Variants in LCE2D observed in about 807,000 individuals in gnomAD.
LCE2D encodes late cornified envelope protein 2D.
For synonymous variants in LCE2D, 55 were observed against 51.3 expected, an observed-to-expected ratio of 1.07 and a Z score of -0.31; for missense variants, 161 against 142.9, an observed-to-expected ratio of 1.13 and a Z score of -0.65.
intron 1 of LCE2D, 74 bp from the exon 2 acceptor site, chr1:152,664,011 G>C: frequency 6.7e-7 from 1 of 1,486,688 alleles, no homozygotes. Context: ...TTCTACACAT[G>C]CATTGATTTT....
chr1:152,664,150 A>G lies in LCE2D; in HGVS notation c.45A>G (p.Lys15=), dbSNP rs141067709. ...QNQQQCQPPP[K]CPPKCTPKCP... ...AGCAGCAGTGCCAGCCCCCTCCCAA[A>G]TGTCCTCCCAAGTGTACCCCAAAAT... The change falls in exon 2 of 2, where the codon AAA becomes AAG. Residue 15 remains lysine, a synonymous_variant. Transcript: ENST00000368784. 49 of 1,614,110 alleles carry G rather than the reference A, an allele frequency of 3.0e-5. No homozygotes were observed. The highest frequency in any genetic ancestry group is 1.6e-4 in the Middle Eastern group (1 of 6,062).
chr1:152,664,158 C>A lies in LCE2D; in HGVS notation c.53C>A (p.Pro18His), dbSNP rs754335373. 1.2e-6 allele frequency: 2 copies of A among 1,614,192 alleles called. No individual in the cohort carries two copies. Among genetic ancestry groups the A allele is most frequent in the Non-Finnish European group, 1.7e-6 (2 of 1,180,032 alleles). ...QQCQPPPKCP[P>H]KCTPKCPPKC... The stretch of plus-strand genomic sequence containing the variant: ...TGCCAGCCCCCTCCCAAATGTCCTC[C>A]CAAGTGTACCCCAAAATGTCCACCT... Residue 18 changes from proline to histidine, a missense_variant, in exon 2 of 2, where the codon CCC (proline) becomes CAC (histidine). Transcript: ENST00000368784.
chr1:152,664,305 G>A lies in LCE2D; in HGVS notation c.200G>A (p.Gly67Glu), dbSNP rs1225809254. 1 of 1,614,148 alleles carries A rather than the reference G, an allele frequency of 6.2e-7. No individual in the cohort carries two copies. ...GPSSGGCCSSGGGGCCLSHHR... is the reference protein window; with the variant it reads ...GPSSGGCCSSEGGGCCLSHHR... The stretch of plus-strand genomic sequence containing the variant: ...AGCTCTGGGGGCTGCTGCAGCTCTG[G>A]GGGTGGTGGCTGCTGCCTGAGCCAC... The change falls in exon 2 of 2, where the codon GGG becomes GAG. Residue 67 changes from glycine to glutamate, a missense_variant. Physicochemically the swap from Gly to Glu is moderately conservative, Grantham distance 98 (BLOSUM62 -2). Coordinates refer to ENST00000368784, the MANE Select transcript of LCE2D (RefSeq NM_178430.4).
At chr1:152,663,972 G>T (rs769696075) in intron 1 of LCE2D, 113 bp from the exon 2 acceptor site, 9 of 1,202,910 alleles carry the variant, frequency 7.5e-6, no homozygotes, top group Non-Finnish European at 7.0e-6. Flanking sequence ...GGTTACTGAT[G>T]TGACTGTATT....
Position 152,664,116 on chromosome 1 carries a change from A to G in LCE2D, c.11A>G (p.Gln4Arg). 6.2e-7 allele frequency: 1 copy of G among 1,614,130 alleles called. No homozygotes were observed. Among genetic ancestry groups the G allele is most frequent in the South Asian group, 1.1e-5 (1 of 91,072 alleles). The change falls in exon 2 of 2, where the codon CAG (glutamine) becomes CGG (arginine). Residue 4 changes from glutamine (Q) to arginine (R), a missense_variant. Gln to Arg is a conservative substitution (Grantham distance 43, BLOSUM62 1). Transcript: ENST00000368784. MSC[Q>R]QNQQQCQPPP... is the part of the protein sequence containing the mutation. ...TAAACTCCTGCCAGGATGTCTTGCC[A>G]GCAAAACCAGCAGCAGTGCCAGCCC...
At position 152,664,445 on chromosome 1, in the gene LCE2D, C is replaced by G; in HGVS notation, c.*7C>G. On this transcript the variant is annotated 3_prime_UTR_variant, in exon 2 of 2. Transcript: ENST00000368784. ...CTCTGGGGGCTGCTGCTGACCTGGGCTGCAGAAGAGCTCTGGTACTGAATG... is the reference window on the plus strand; with the variant it reads ...CTCTGGGGGCTGCTGCTGACCTGGGGTGCAGAAGAGCTCTGGTACTGAATG... The G allele has an allele frequency of 6.2e-7, 1 of 1,607,830 alleles. No homozygotes were observed. The highest frequency in any genetic ancestry group is 1.3e-5 in the African/African-American group (1 of 74,778).
At position 152,664,552 on chromosome 1, in the gene LCE2D, C is replaced by T; in HGVS notation, c.*114C>T. ...CATGGGTGGACAGGGACCACAAAGA[C>T]TCATGGGGCTTCCCCAGAACTTTGT... On this transcript the variant is annotated 3_prime_UTR_variant, in exon 2 of 2. Transcript: ENST00000368784. The T allele has an allele frequency of 6.9e-7, 1 of 1,450,868 alleles. No individual in the cohort carries two copies. Among genetic ancestry groups the T allele is most frequent in the Non-Finnish European group, 9.2e-7 (1 of 1,085,222 alleles). 89.9% of individuals were successfully genotyped at this position (1,450,868 alleles called of 1,614,324 possible).
At position 152,664,390 on chromosome 1, in the gene LCE2D, A is replaced by G. The variant is rs1648503463; in HGVS notation, c.285A>G (p.Glu95=). Reference sequence around the variant, plus strand: ...AGAGCCCCGATTGCTGTGAGAGTGAACCTTCTGGGGCCTCTGGCTGCTGCC... The same window carrying G: ...AGAGCCCCGATTGCTGTGAGAGTGAGCCTTCTGGGGCCTCTGGCTGCTGCC... ...RHQSPDCCES[E]PSGASGCCHS... The change falls in exon 2 of 2, where the codon GAA becomes GAG. Residue 95 remains glutamate, a synonymous_variant. Coordinates refer to ENST00000368784, the MANE Select transcript of LCE2D (RefSeq NM_178430.4). 1.2e-6 allele frequency: 2 copies of G among 1,607,356 alleles called. No homozygotes were observed. The highest frequency in any genetic ancestry group is 1.7e-5 in the Admixed American group (1 of 59,748).
At position 152,664,138 on chromosome 1, in the gene LCE2D, G is replaced by C. The variant is rs1237586745; in HGVS notation, c.33G>C (p.Gln11His). The C allele has an allele frequency of 6.2e-7, 1 of 1,614,032 alleles. No homozygotes were observed. The highest frequency in any genetic ancestry group is 1.3e-5 in the African/African-American group (1 of 74,932). Residue 11 changes from glutamine (Q) to histidine (H), a missense_variant, in exon 2 of 2, where the codon CAG becomes CAC. Physicochemically the swap from Gln to His is conservative, Grantham distance 24. Coordinates refer to ENST00000368784, the MANE Select transcript of LCE2D (RefSeq NM_178430.4). ...GCCAGCAAAACCAGCAGCAGTGCCA[G>C]CCCCCTCCCAAATGTCCTCCCAAGT... MSCQQNQQQC[Q>H]PPPKCPPKCT...
At position 152,664,309 on chromosome 1, in the gene LCE2D, T is replaced by C; in HGVS notation, c.204T>C (p.Gly68=). The change falls in exon 2 of 2, where the codon GGT becomes GGC. Residue 68 remains glycine (G), a synonymous_variant. Transcript: ENST00000368784. ...PSSGGCCSSG[G]GGCCLSHHRP... ...CTGGGGGCTGCTGCAGCTCTGGGGGTGGTGGCTGCTGCCTGAGCCACCACA... is the reference window on the plus strand; with the variant it reads ...CTGGGGGCTGCTGCAGCTCTGGGGGCGGTGGCTGCTGCCTGAGCCACCACA... 8.1e-6 allele frequency: 13 copies of C among 1,613,458 alleles called. No individual in the cohort carries two copies. The highest frequency in any genetic ancestry group is 1.1e-5 in the Non-Finnish European group (13 of 1,179,900).
chr1:152,663,777 C>G (rs1648467893), intron 1 of LCE2D, among the ~76,000 whole-genome samples: 1 of 152,114 alleles, frequency 6.6e-6, no homozygotes, highest in African/African-American at 2.4e-5. Flanking sequence ...TCTACAGCAC[C>G]CATCTGGGCG....
Position 152,664,210 on chromosome 1 carries a change from G to T in LCE2D, c.105G>T (p.Gln35His). The T allele has an allele frequency of 6.2e-7, 1 of 1,614,160 alleles. No homozygotes were observed. Among genetic ancestry groups the T allele is most frequent in the Non-Finnish European group, 8.5e-7 (1 of 1,180,034 alleles). Residue 35 changes from glutamine to histidine, a missense_variant, in exon 2 of 2, where the codon CAG becomes CAT. Coordinates refer to ENST00000368784, the MANE Select transcript of LCE2D (RefSeq NM_178430.4). ...PPKCPPKCPP[Q>H]CPAPCSPAVS... is the part of the protein sequence containing the mutation. Reference sequence around the variant, plus strand: ...AGTGTCCCCCCAAATGCCCACCACAGTGCCCAGCTCCATGTTCCCCTGCAG... The same window carrying T: ...AGTGTCCCCCCAAATGCCCACCACATTGCCCAGCTCCATGTTCCCCTGCAG...
Position 152,664,373 on chromosome 1 carries a change from G to A in LCE2D, c.268G>A (p.Asp90Asn), listed in dbSNP as rs753899892. The change falls in exon 2 of 2, where the codon GAT becomes AAT. Residue 90 changes from aspartate (D) to asparagine (N), a missense_variant. Coordinates refer to ENST00000368784, the MANE Select transcript of LCE2D (RefSeq NM_178430.4). ...CCACCGGCGCCGGCACCAGAGCCCC[G>A]ATTGCTGTGAGAGTGAACCTTCTGG... Reference protein sequence around the residue: ...LFHRRRHQSPDCCESEPSGAS... With the variant: ...LFHRRRHQSPNCCESEPSGAS... 1.4e-5 allele frequency: 23 copies of A among 1,608,278 alleles called. No individual in the cohort carries two copies. Among genetic ancestry groups the A allele is most frequent in the South Asian group, 5.5e-5 (5 of 90,732 alleles).
In LCE2D at chr1:152,664,084, G is replaced by A; in HGVS notation, c.-21-1G>A. On this transcript the variant is annotated splice_acceptor_variant, in intron 1 of 1. Coordinates refer to ENST00000368784, the MANE Select transcript of LCE2D (RefSeq NM_178430.4). LOFTEE classifies it low-confidence loss of function (5UTR_SPLICE). ...TAAAGAGTTTCATTATTATCTTTTA[G>A]GTTGACTAAACTCCTGCCAGGATGT... 5.0e-6 allele frequency: 8 copies of A among 1,612,732 alleles called. No individual in the cohort carries two copies. The highest frequency in any genetic ancestry group is 6.8e-6 in the Non-Finnish European group (8 of 1,179,354).
At chr1:152,663,657 G>A (rs374937001) in intron 1 of LCE2D, among the ~76,000 whole-genome samples, 3 of 152,198 alleles carry the variant, frequency 2.0e-5, no homozygotes, top group Non-Finnish European at 4.4e-5. Flanking sequence ...ATGACTTCAT[G>A]TTGGCCATCT....
chr1:152,664,147 C>T lies in LCE2D; in HGVS notation c.42C>T (p.Pro14=). The T allele has an allele frequency of 6.2e-7, 1 of 1,614,188 alleles. No homozygotes were observed. The highest frequency in any genetic ancestry group is 2.2e-5 in the East Asian group (1 of 44,884). ...QQNQQQCQPP[P]KCPPKCTPKC... ...ACCAGCAGCAGTGCCAGCCCCCTCC[C>T]AAATGTCCTCCCAAGTGTACCCCAA... is the stretch of plus-strand genomic sequence containing the variant. Residue 14 remains proline, a synonymous_variant, in exon 2 of 2, where the codon CCC becomes CCT. Transcript: ENST00000368784.
chr1:152,663,724 G>A (rs1359341932), intron 1 of LCE2D, among the ~76,000 whole-genome samples: 1 of 152,280 alleles, frequency 6.6e-6, no homozygotes, highest in East Asian at 1.9e-4. Flanking sequence ...CCTTTTACCT[G>A]GAGTTTTCAT....
intron 1 of LCE2D, 38 bp from the exon 2 acceptor site, chr1:152,664,047 G>T: frequency 6.3e-7 from 1 of 1,588,402 alleles, no homozygotes; most frequent in Non-Finnish European, 8.6e-7. Context: ...ATGACCTTTG[G>T]TTTGAAATAT....
rs1557801199 is a variant in LCE2D, at chr1:152,664,274, G to A, written c.169G>A (p.Gly57Ser). 1 of 1,614,118 alleles carries A rather than the reference G, an allele frequency of 6.2e-7. No individual in the cohort carries two copies. Among genetic ancestry groups the A allele is most frequent in the Non-Finnish European group, 8.5e-7 (1 of 1,180,010 alleles). Residue 57 changes from glycine to serine, a missense_variant, in exon 2 of 2, where the codon GGT becomes AGT. Gly to Ser is a moderately conservative substitution (Grantham distance 56). Coordinates refer to ENST00000368784, the MANE Select transcript of LCE2D (RefSeq NM_178430.4). ...TGGTCCCAGCTCTGGGAGCTGCTGT[G>A]GTCCCAGCTCTGGGGGCTGCTGCAG... is the stretch of plus-strand genomic sequence containing the variant. ...CCGPSSGSCC[G>S]PSSGGCCSSG...
Sources: allele counts gnomAD v4.1 joint callset (sites outside exome capture counted in the v4.1 genomes callset), GRCh38; gene constraint gnomAD v4.1.1; transcripts MANE v1.5; gene names NCBI Gene and HGNC (gene_info 2026-07-23, HGNC 2026-07-21).